The following TUBD1 variants were observed in gnomAD, a reference collection of about 807,000 sequenced individuals.
TUBD1 encodes the protein tubulin delta chain.
In TUBD1, 38 loss-of-function variants were observed where a neutral mutation model predicts 51.2. The observed-to-expected ratio is 0.74, with a 90% CI of 0.57 to 0.97. The LOEUF is 0.97. Ranked by LOEUF, TUBD1 falls within the 50% of genes least tolerant of loss-of-function variation. TUBD1 has a pLI of 0.00. For synonymous variants in TUBD1, 169 were observed against 178.2 expected, an observed-to-expected ratio of 0.95 and a Z score of 0.41; for missense variants, 489 against 538.4, an observed-to-expected ratio of 0.91 and a Z score of 0.91.
intron 6 of TUBD1, among the ~76,000 whole-genome samples, chr17:59,868,283 CAAAAAAAA>C (rs11401623): frequency 2.0e-5 from 1 of 49,142 alleles, no homozygotes; most frequent in African/African-American, 7.4e-5. Context: ...GACTCCATGT[CAAAAAAAA>C]AAAAAAAAAA....
At chr17:59,883,063 G>A (rs1235377269) in intron 3 of TUBD1, among the ~76,000 whole-genome samples, 3 of 151,826 alleles carry the variant, frequency 2.0e-5, no homozygotes, top group African/African-American at 7.3e-5. Flanking sequence ...GGGATCACAA[G>A]CGAGAGCCAC....
chr17:59,861,842 G>A lies in TUBD1; in HGVS notation c.1260-1418C>T, dbSNP rs142343306. Among the ~76,000 whole-genome samples the A allele has an allele frequency of 5.2e-3, 767 of 148,798 alleles. 2 individuals carry two copies. Among genetic ancestry groups the A allele is most frequent in the African/African-American group, 0.011 (448 of 40,538 alleles). ...GCCACCACGCCCAGCTGTTTTTTGT[G>A]TTTTTAGTAGAGACGGGGTTTCACC... On this transcript the variant is annotated intron_variant, in intron 8 of 8. Transcript: ENST00000325752.
intron 2 of TUBD1, among the ~76,000 whole-genome samples, chr17:59,886,912 C>T (rs1208552633): frequency 6.6e-6 from 1 of 151,678 alleles, no homozygotes; most frequent in Non-Finnish European, 1.5e-5. Flanking sequence ...TGGCCAGGTG[C>T]GGTGGCTCAC....
intron 3 of TUBD1, chr17:59,885,564 C>T: frequency 5.0e-6 from 7 of 1,404,216 alleles, no homozygotes; most frequent in Admixed American, 3.4e-5. Flanking sequence ...GAGGAGGCTT[C>T]GTGGGCTTTT....
At chr17:59,888,012 G>A (rs140322804) in intron 2 of TUBD1, among the ~76,000 whole-genome samples, 5,707 of 151,474 alleles carry the variant, frequency 0.038, 331 homozygotes, top group African/African-American at 0.13. Context: ...TCAGCTCACT[G>A]CAAGCTCCGC....
intron 6 of TUBD1, among the ~76,000 whole-genome samples, chr17:59,872,718 G>C (rs868464760): frequency 2.2e-5 from 3 of 136,426 alleles, no homozygotes; most frequent in Non-Finnish European, 4.8e-5. Context: ...GTGTGTGTGT[G>C]TGTGTGTGTG....
intron 8 of TUBD1, among the ~76,000 whole-genome samples, chr17:59,861,951 C>T (rs1026000430): frequency 6.6e-6 from 1 of 150,680 alleles, no homozygotes; most frequent in Non-Finnish European, 1.5e-5. Flanking sequence ...CAGGTGTGAG[C>T]CACTGCACCC....
Position 59,886,074 on chromosome 17 carries a change from T to A in TUBD1, c.320+9A>T, listed in dbSNP as rs75277313. On this transcript the variant is annotated intron_variant, in intron 3 of 8. Transcript: ENST00000325752. Reference sequence around the variant, plus strand: ...CACTAAACTGAAAATCACAAGAAATTATTCTTACCCATATGCCCAGTTGTT... The same window carrying A: ...CACTAAACTGAAAATCACAAGAAATAATTCTTACCCATATGCCCAGTTGTT... The A allele has an allele frequency of 2.2e-5, 35 of 1,613,370 alleles. No individual in the cohort carries two copies. Among genetic ancestry groups the A allele is most frequent in the Non-Finnish European group, 2.8e-5 (33 of 1,179,800 alleles).
At chr17:59,887,206 A>C (rs1568329364) in intron 2 of TUBD1, among the ~76,000 whole-genome samples, 1 of 151,764 alleles carries the variant, frequency 6.6e-6, no homozygotes. Flanking sequence ...AAACAAACAA[A>C]AAACAAAAAT....
chr17:59,883,505 TG>T (rs994707365), intron 3 of TUBD1, among the ~76,000 whole-genome samples: 23 of 152,286 alleles, frequency 1.5e-4, no homozygotes, highest in African/African-American at 4.8e-4. Context: ...TTTCCTCAGA[TG>T]ATCTGCCCAC....
At chr17:59,879,231 G>A (rs1433475588) in intron 4 of TUBD1, among the ~76,000 whole-genome samples, 1 of 142,356 alleles carries the variant, frequency 7.0e-6, no homozygotes, top group African/African-American at 2.6e-5. Flanking sequence ...TCGTGCCATT[G>A]CACTCCAGCC....
At chr17:59,864,560 G>A (rs1384137035) in intron 7 of TUBD1, among the ~76,000 whole-genome samples, 1 of 151,962 alleles carries the variant, frequency 6.6e-6, no homozygotes, top group Non-Finnish European at 1.5e-5. Flanking sequence ...GGTGTGCAGA[G>A]GCACTATCAC....
intron 4 of TUBD1, 63 bp from the exon 5 acceptor site, chr17:59,878,397 C>A: frequency 8.4e-7 from 1 of 1,195,148 alleles, no homozygotes; most frequent in Non-Finnish European, 1.2e-6. Flanking sequence ...ATTACAGATT[C>A]TCAAGGCATC....
chr17:59,879,699 G>A (rs1038990011), intron 4 of TUBD1, among the ~76,000 whole-genome samples: 1 of 151,886 alleles, frequency 6.6e-6, no homozygotes, highest in African/African-American at 2.4e-5. Context: ...GCCTCCCAAA[G>A]TGCTGGTATT....
At chr17:59,862,712 G>GTTTTT (rs2039511353) in intron 8 of TUBD1, among the ~76,000 whole-genome samples, 1 of 50,968 alleles carries the variant, frequency 2.0e-5, no homozygotes, top group African/African-American at 9.1e-5. Flanking sequence ...GCTAATTTTT[G>GTTTTT]TATTTTTTTT....
At chr17:59,866,472 G>T in intron 7 of TUBD1, 137 bp downstream of exon 7, 1 of 996,926 alleles carries the variant, frequency 1.0e-6, no homozygotes. Flanking sequence ...CTGATGCCAT[G>T]GTCAAATTTT....
chr17:59,861,829 A>G (rs1178874494), intron 8 of TUBD1, among the ~76,000 whole-genome samples: 78 of 149,362 alleles, frequency 5.2e-4, no homozygotes, highest in African/African-American at 1.9e-3. Flanking sequence ...CACCACGCCC[A>G]GCTGTTTTTT....
At position 59,892,905 on chromosome 17, in the gene TUBD1, G is replaced by C. The variant is rs1250796647; in HGVS notation, c.-248C>G. 1.6e-5 allele frequency: 7 copies of C among 446,726 alleles called. No individual in the cohort carries two copies. The highest frequency in any genetic ancestry group is 9.7e-5 in the African/African-American group (5 of 51,484). The allele number at this position is 446,726 out of a possible 1,614,324, so 27.7% of individuals were successfully genotyped here. A position where few individuals can be genotyped will look rare whatever the true frequency, so the allele number is the denominator to read the frequency against. On this transcript the variant is annotated 5_prime_UTR_variant, in exon 1 of 9. Coordinates refer to ENST00000325752, the MANE Select transcript of TUBD1 (RefSeq NM_016261.4). The stretch of plus-strand genomic sequence containing the variant: ...AATTTACGAACTTCAGATATGGTAC[G>C]CATGCTCACTGTCCACCGAACGCTC...
chr17:59,872,674 GTATA>G (rs1468564566), intron 6 of TUBD1, among the ~76,000 whole-genome samples: 3 of 148,784 alleles, frequency 2.0e-5, no homozygotes, highest in Non-Finnish European at 3.0e-5. Context: ...ACATGTGTCA[GTATA>G]TATATGAAAA....
Sources: allele counts gnomAD v4.1 joint callset (sites outside exome capture counted in the v4.1 genomes callset), GRCh38; gene constraint gnomAD v4.1.1; transcripts MANE v1.5; gene names NCBI Gene and HGNC (gene_info 2026-07-23, HGNC 2026-07-21).